METTL25B: variants seen among roughly 807,000 people sequenced by gnomAD.
METTL25B encodes the protein methyltransferase-like protein 25B.
A neutral mutation model predicts 48.4 loss-of-function variants in METTL25B; 38 were observed. The observed-to-expected ratio is 0.78, with a 90% confidence interval of 0.61 to 1.03. The LOEUF (loss-of-function observed/expected upper bound fraction) is 1.03. Ranked by LOEUF, METTL25B falls within the 50% of genes least tolerant of loss-of-function variation. METTL25B has a pLI of 0.00. For missense variants in METTL25B, 537 were observed against 603.7 expected (o/e 0.89, Z 1.16); for synonymous variants, 230 against 254.5 (o/e 0.90, Z 0.92).
chr1:156,733,922 G>A (rs1649499754), intron 5 of METTL25B, 87 bp from the exon 6 acceptor site: 1 of 1,500,180 alleles, frequency 6.7e-7, no homozygotes, highest in Non-Finnish European at 8.9e-7. Context: ...GAATAACATG[G>A]AGGACAGATC....
At position 156,735,875 on chromosome 1, in the gene METTL25B, T is replaced by C. The variant is rs1418046908; in HGVS notation, c.1272T>C (p.Ile424=). Reference sequence around the variant, plus strand: ...TTGCCCCACTGGTGGAGACGCTTATTCTACTGGACCGGCTGCTGTACCTTC... The same window carrying C: ...TTGCCCCACTGGTGGAGACGCTTATCCTACTGGACCGGCTGCTGTACCTTC... ...LLLAPLVETL[I]LLDRLLYLQE... The change falls in exon 7 of 8, where the codon ATT becomes ATC. Residue 424 remains isoleucine, a synonymous_variant. Transcript: ENST00000368216. 1 of 1,612,748 alleles carries C rather than the reference T, an allele frequency of 6.2e-7. No homozygotes were observed. Among genetic ancestry groups the C allele is most frequent in the East Asian group, 2.2e-5 (1 of 44,684 alleles).
At position 156,728,700 on chromosome 1, in the gene METTL25B, C is replaced by T; in HGVS notation, c.-405C>T. 1 of 991,574 alleles carries T rather than the reference C, an allele frequency of 1.0e-6. No individual in the cohort carries two copies. The highest frequency in any genetic ancestry group is 4.4e-5 in the South Asian group (1 of 22,808). 61.4% of individuals were successfully genotyped at this position (991,574 alleles called of 1,614,324 possible). ...GTACAACGCGAAGGTGTGGGAAGGC[C>T]GCGATAAACCGGAACTGCAGCCCGC... is the stretch of plus-strand genomic sequence containing the variant. On this transcript the variant is annotated 5_prime_UTR_variant, in exon 1 of 8. Coordinates refer to ENST00000368216, the MANE Select transcript of METTL25B (RefSeq NM_015997.4).
chr1:156,730,348 CT>C (rs1483371652), intron 1 of METTL25B, among the ~76,000 whole-genome samples: 2 of 152,216 alleles, frequency 1.3e-5, no homozygotes, highest in East Asian at 3.9e-4. Flanking sequence ...GCATCTGGAC[CT>C]TTGCACTCAC....
At chr1:156,734,692 C>T (rs1334938332) in intron 6 of METTL25B, among the ~76,000 whole-genome samples, 199 bp downstream of exon 6, 2 of 151,818 alleles carry the variant, frequency 1.3e-5, no homozygotes, top group Admixed American at 6.6e-5. Flanking sequence ...CCACTACACC[C>T]GGCTAATTTT....
chr1:156,734,477 G>C lies in METTL25B; in HGVS notation c.1105G>C (p.Glu369Gln). ...PGVQGIPRVH[E>Q]LKIEEYVQRG... ...CGTGCAGGGTATCCCCAGGGTCCACGAGCTCAAGATTGAAGAGTGAGGTTG... is the reference window on the plus strand; with the variant it reads ...CGTGCAGGGTATCCCCAGGGTCCACCAGCTCAAGATTGAAGAGTGAGGTTG... The change falls in exon 6 of 8, where the codon GAG (glutamate) becomes CAG (glutamine). Residue 369 changes from glutamate to glutamine, a missense_variant. Transcript: ENST00000368216. 2 of 1,592,818 alleles carry C rather than the reference G, an allele frequency of 1.3e-6. No homozygotes were observed.
chr1:156,734,132 C>G lies in METTL25B; in HGVS notation c.760C>G (p.Leu254Val). The G allele has an allele frequency of 6.2e-7, 1 of 1,614,258 alleles. No homozygotes were observed. Among genetic ancestry groups the G allele is most frequent in the Non-Finnish European group, 8.5e-7 (1 of 1,180,058 alleles). The change falls in exon 6 of 8, where the codon CTC becomes GTC. Residue 254 changes from leucine to valine, a missense_variant. Transcript: ENST00000368216. ...GTGTCAGGGCAGGGCCCGCTTGCTGCTCACAGGCCTCCACGCCTGTGGGGA... is the reference window on the plus strand; with the variant it reads ...GTGTCAGGGCAGGGCCCGCTTGCTGGTCACAGGCCTCCACGCCTGTGGGGA... ...NPCQGRARLL[L>V]TGLHACGDLS...
Position 156,735,705 on chromosome 1 carries a change from G to C in METTL25B, c.1122-20G>C. 6.3e-7 allele frequency: 1 copy of C among 1,582,818 alleles called. No homozygotes were observed. Among genetic ancestry groups the C allele is most frequent in the Non-Finnish European group, 8.6e-7 (1 of 1,160,352 alleles). On this transcript the variant is annotated intron_variant, in intron 6 of 7. Coordinates refer to ENST00000368216, the MANE Select transcript of METTL25B (RefSeq NM_015997.4). ...AGTTCTTAAAACCAAACTGAGTGCT[G>C]AATGTGACTGATCCCACAGATATGT... is the stretch of plus-strand genomic sequence containing the variant.
At chr1:156,736,044 G>T in intron 7 of METTL25B, 135 bp downstream of exon 7, 1 of 733,762 alleles carries the variant, frequency 1.4e-6, no homozygotes, top group Non-Finnish European at 2.2e-6. Context: ...CCTTTGAGTA[G>T]GGGATTGGGA....
At chr1:156,736,557 G>A (rs1649821185) in intron 7 of METTL25B, 75 bp from the exon 8 acceptor site, 1 of 1,567,288 alleles carries the variant, frequency 6.4e-7, no homozygotes, top group Non-Finnish European at 8.7e-7. Context: ...AAGGGACTAT[G>A]CCTACAGGCC....
Position 156,729,142 on chromosome 1 carries a change from G to C in METTL25B, c.38G>C (p.Gly13Ala). ...GISARGLSHE[G>A]RKQLAVNLTR... is the part of the protein sequence containing the mutation. ...TCCGCCCGAGGCCTCTCTCATGAGG[G>C]GAGGAAGCAGCTAGCTGTTAACCTC... Residue 13 changes from glycine to alanine, a missense_variant, in exon 1 of 8, where the codon GGG (glycine) becomes GCG (alanine). Gly to Ala is a moderately conservative substitution (Grantham distance 60, BLOSUM62 0). Coordinates refer to ENST00000368216, the MANE Select transcript of METTL25B (RefSeq NM_015997.4). 6.2e-7 allele frequency: 1 copy of C among 1,611,004 alleles called. No individual in the cohort carries two copies. The highest frequency in any genetic ancestry group is 8.5e-7 in the Non-Finnish European group (1 of 1,179,030).
At position 156,736,709 on chromosome 1, in the gene METTL25B, C is replaced by T. The variant is rs139211741; in HGVS notation, c.1384C>T (p.Pro462Ser). The T allele has an allele frequency of 8.3e-4, 1,334 of 1,613,668 alleles. 1 individual carries two copies. The highest frequency in any genetic ancestry group is 9.1e-4 in the Non-Finnish European group (1,070 of 1,179,996). The part of the protein sequence containing the change: ...RNLVLVATKM[P>S]LGQALSVLET... ...CCTGGTTCTGGTGGCCACCAAGATG[C>T]CCCTGGGTCAGGCTCTTTCTGTTCT... Residue 462 changes from proline (P) to serine (S), a missense_variant, in exon 8 of 8, where the codon CCC (proline) becomes TCC (serine). Pro to Ser is a moderately conservative substitution (Grantham distance 74). Transcript: ENST00000368216.
chr1:156,734,536 C>CTTT, intron 6 of METTL25B, 43 bp downstream of exon 6: 9 of 1,207,670 alleles, frequency 7.5e-6, no homozygotes, highest in Non-Finnish European at 1.0e-5. Context: ...GAGGAGATTT[C>CTTT]TTTTTTTTTT....
At chr1:156,733,088 G>C (rs1649434630) in intron 4 of METTL25B, 41 bp downstream of exon 4, 1 of 1,581,476 alleles carries the variant, frequency 6.3e-7, no homozygotes, top group Non-Finnish European at 8.7e-7. Context: ...TGAGTCATGG[G>C]GACATAGAAC....
intron 7 of METTL25B, chr1:156,736,335 G>T: frequency 3.2e-6 from 1 of 317,042 alleles, no homozygotes; most frequent in Non-Finnish European, 5.9e-6. Context: ...ACTCCAGCCT[G>T]GGCAACAGAG....
chr1:156,732,503 T>C (rs377752029), intron 3 of METTL25B, 30 bp downstream of exon 3: 1 of 1,607,006 alleles, frequency 6.2e-7, no homozygotes, highest in Non-Finnish European at 8.5e-7. Flanking sequence ...ATGGGTGGTG[T>C]CTGGGAGCCC....
At position 156,728,803 on chromosome 1, in the gene METTL25B, G is replaced by A; in HGVS notation, c.-302G>A. On this transcript the variant is annotated 5_prime_UTR_variant, in exon 1 of 8. Coordinates refer to ENST00000368216, the MANE Select transcript of METTL25B (RefSeq NM_015997.4). The stretch of plus-strand genomic sequence containing the variant: ...CGGGAACTGGAACTTGGCCCGCCTC[G>A]TTGTGAGCTGAGCTCAGCGGCACGC... 2 of 973,050 alleles carry A rather than the reference G, an allele frequency of 2.1e-6. No individual in the cohort carries two copies. Among genetic ancestry groups the A allele is most frequent in the South Asian group, 6.6e-5 (2 of 30,502 alleles). 60.3% of individuals were successfully genotyped at this position (973,050 alleles called of 1,614,324 possible).
Position 156,734,430 on chromosome 1 carries a change from G to C in METTL25B, c.1058G>C (p.Arg353Pro). 2.5e-6 allele frequency: 4 copies of C among 1,608,078 alleles called. No homozygotes were observed. The highest frequency in any genetic ancestry group is 2.5e-6 in the Non-Finnish European group (3 of 1,177,394). The change falls in exon 6 of 8, where the codon CGG (arginine) becomes CCG (proline). Residue 353 changes from arginine (R) to proline (P), a missense_variant. By Grantham distance (103) the Arg-to-Pro change is moderately radical (BLOSUM62 -2). Transcript: ENST00000368216. ...CTGGAGACAGTCATCCGACGGGCCC[G>C]GCCCGAGCTCCGTCGGCCAGGCGTG... ...AALETVIRRA[R>P]PELRRPGVQG... is the part of the protein sequence containing the mutation.
Position 156,736,734 on chromosome 1 carries a change from T to G in METTL25B, c.1409T>G (p.Leu470Arg). 2 of 1,612,888 alleles carry G rather than the reference T, an allele frequency of 1.2e-6. No homozygotes were observed. The highest frequency in any genetic ancestry group is 1.7e-6 in the Non-Finnish European group (2 of 1,180,018). ...KMPLGQALSVLETEDS is the reference protein window; with the variant it reads ...KMPLGQALSVRETEDS ...CCCCTGGGTCAGGCTCTTTCTGTTCTGGAGACTGAAGACAGCTGATGCAGC... is the reference window on the plus strand; with the variant it reads ...CCCCTGGGTCAGGCTCTTTCTGTTCGGGAGACTGAAGACAGCTGATGCAGC... Residue 470 changes from leucine to arginine, a missense_variant, in exon 8 of 8, where the codon CTG becomes CGG. By Grantham distance (102) the Leu-to-Arg change is moderately radical. Transcript: ENST00000368216.
intron 1 of METTL25B, among the ~76,000 whole-genome samples, chr1:156,731,270 T>C (rs1333432495): frequency 6.6e-6 from 1 of 152,202 alleles, no homozygotes; most frequent in African/African-American, 2.4e-5. Flanking sequence ...ATTACAGGCG[T>C]GTGCCAACAT....
Sources: allele counts gnomAD v4.1 joint callset (sites outside exome capture counted in the v4.1 genomes callset), GRCh38; gene constraint gnomAD v4.1.1; transcripts MANE v1.5; gene names NCBI Gene and HGNC (gene_info 2026-07-23, HGNC 2026-07-21).